The following NPR2 variants were observed in gnomAD, a reference collection of about 807,000 sequenced individuals.
The protein encoded by NPR2 is natriuretic peptide receptor 2.
NPR2 carries 49 observed loss-of-function variants against 120.7 expected under a neutral mutation model. The observed-to-expected ratio is 0.41, with a 90% CI of 0.32 to 0.52. The LOEUF is 0.52. NPR2 is among the 20% of genes least tolerant of loss of function. NPR2 has a pLI of 0.36. For synonymous variants in NPR2, 484 were observed against 519.8 expected (o/e 0.93, Z 0.94); for missense variants, 931 against 1,362.9 (o/e 0.68, Z 4.99).
In NPR2 at chr9:35,805,589, T is replaced by A. The variant is rs766437370; in HGVS notation, c.1966T>A (p.Phe656Ile). The part of the protein sequence containing the change: ...KSSNCVVDSR[F>I]VLKITDYGLA... ...CTCCAACTGTGTGGTGGATAGTCGTTTTGTGCTCAAAATCACAGACTATGG... is the reference window on the plus strand; with the variant it reads ...CTCCAACTGTGTGGTGGATAGTCGTATTGTGCTCAAAATCACAGACTATGG... Residue 656 changes from phenylalanine (F) to isoleucine (I), a missense_variant, in exon 13 of 22, where the codon TTT becomes ATT. Phe to Ile is a conservative substitution (Grantham distance 21). Transcript: ENST00000342694. The surrounding 1 kb of genome is among the most constrained non-coding windows in gnomAD (Gnocchi z 4.9). 3 of 1,614,178 alleles carry A rather than the reference T, an allele frequency of 1.9e-6. No homozygotes were observed. Among genetic ancestry groups the A allele is most frequent in the Non-Finnish European group, 2.5e-6 (3 of 1,180,008 alleles).
At chr9:35,797,432 G>A (rs1588055199) in intron 2 of NPR2, among the ~76,000 whole-genome samples, 1 of 152,186 alleles carries the variant, frequency 6.6e-6, no homozygotes, top group African/African-American at 2.4e-5. Context: ...CCAGCGGCAA[G>A]AATGGAAGAA....
At position 35,803,185 on chromosome 9, in the gene NPR2, G is replaced by C. The variant is rs182915702; in HGVS notation, c.1887+382G>C. 4.9e-3 allele frequency among the ~76,000 whole-genome samples: 407 copies of C among 82,910 alleles called. 105 individuals carry two copies. The East Asian group carries it at 0.15, about 31-fold the overall frequency. The allele number at this position is 82,910 out of a possible 152,430, so 54.4% of individuals were successfully genotyped here. On this transcript the variant is annotated intron_variant, in intron 12 of 21. Transcript: ENST00000342694. The stretch of plus-strand genomic sequence containing the variant: ...GTGGCGGGATCTCGGCTCACTGCAA[G>C]CTCCGCCTCCCGGGTTCACGCCATT...
rs947750646 is a variant in NPR2 at position 35,793,162 on chromosome 9, T to C, written c.667+87T>C. 6.6e-6 allele frequency: 9 copies of C among 1,355,352 alleles called. No homozygotes were observed. In the South Asian group the frequency reaches 7.2e-5, roughly 11 times the overall value. 84.0% of individuals were successfully genotyped at this position (1,355,352 alleles called of 1,614,324 possible). On this transcript the variant is annotated intron_variant, in intron 1 of 21. Coordinates refer to ENST00000342694, the MANE Select transcript of NPR2 (RefSeq NM_003995.4). ...AGCACTGGGGAACTGTAGATGGAGA[T>C]AGGCATTGAGCAGCTGTATGTGGTG...
At chr9:35,798,485 G>A (rs1275752141) in intron 2 of NPR2, among the ~76,000 whole-genome samples, 1 of 152,096 alleles carries the variant, frequency 6.6e-6, no homozygotes, top group Non-Finnish European at 1.5e-5. Flanking sequence ...ATTAGAAATC[G>A]ACTTTATTAT....
rs181373421 is a variant in NPR2 at position 35,800,319 on chromosome 9, C to T, written c.1124-70C>T. On this transcript the variant is annotated intron_variant, in intron 4 of 21. Coordinates refer to ENST00000342694, the MANE Select transcript of NPR2 (RefSeq NM_003995.4). The surrounding 1 kb of genome is among the most constrained non-coding windows in gnomAD (Gnocchi z 4.7). Reference sequence around the variant, plus strand: ...GGGGAAGGGTAGACTCTGAGGGAGCCGTAGGCATGAGTGAGTGGGAGAGGA... The same window carrying T: ...GGGGAAGGGTAGACTCTGAGGGAGCTGTAGGCATGAGTGAGTGGGAGAGGA... The T allele has an allele frequency of 3.9e-5, 58 of 1,472,268 alleles. No individual in the cohort carries two copies. Among genetic ancestry groups the T allele is most frequent in the Middle Eastern group, 3.4e-4 (2 of 5,822 alleles). The allele number at this position is 1,472,268 out of a possible 1,614,324, so 91.2% of individuals were successfully genotyped here.
Position 35,809,302 on chromosome 9 carries a change from G to C in NPR2, c.3078+55G>C. 1 of 1,609,492 alleles carries C rather than the reference G, an allele frequency of 6.2e-7. No individual in the cohort carries two copies. Among genetic ancestry groups the C allele is most frequent in the Non-Finnish European group, 8.5e-7 (1 of 1,176,238 alleles). ...GGAAAGGGAGGGTGAAAGTGATTAT[G>C]GGAATCATAGGGAAAGAGAGGGAGA... On this transcript the variant is annotated intron_variant, in intron 21 of 21. Coordinates refer to ENST00000342694, the MANE Select transcript of NPR2 (RefSeq NM_003995.4). This position sits in a 1 kb window ranked among gnomAD's most constrained non-coding sequence, Gnocchi z 4.1.
rs747840482 is a variant in NPR2, at chr9:35,809,202, G to A, written c.3033G>A (p.Glu1011=). 6.2e-7 allele frequency: 1 copy of A among 1,614,048 alleles called. No homozygotes were observed. The highest frequency in any genetic ancestry group is 1.3e-5 in the African/African-American group (1 of 74,994). Reference sequence around the variant, plus strand: ...CTACCACCAAGGATGCCCTAGATGAGCTAGGATGCTTCCAGCTAGAGCTTC... The same window carrying A: ...CTACCACCAAGGATGCCCTAGATGAACTAGGATGCTTCCAGCTAGAGCTTC... The part of the protein sequence containing the change: ...VSSTTKDALD[E]LGCFQLELRG... The change falls in exon 21 of 22, where the codon GAG becomes GAA. Residue 1011 remains glutamate (E), a synonymous_variant. Transcript: ENST00000342694. This position sits in a 1 kb window ranked among gnomAD's most constrained non-coding sequence, Gnocchi z 4.1.
chr9:35,806,632 T>A lies in NPR2; in HGVS notation c.2519+94T>A. ...CACCTGAGAACTCGCCTCCCCACCC[T>A]CAGAACCCTGCTGGCCACAGGGAGC... On this transcript the variant is annotated intron_variant, in intron 16 of 21. Coordinates refer to ENST00000342694, the MANE Select transcript of NPR2 (RefSeq NM_003995.4). The surrounding 1 kb of genome is among the most constrained non-coding windows in gnomAD (Gnocchi z 4.6). 7.2e-7 allele frequency: 1 copy of A among 1,386,196 alleles called. No homozygotes were observed. Among genetic ancestry groups the A allele is most frequent in the Non-Finnish European group, 1.0e-6 (1 of 975,850 alleles). 85.9% of individuals were successfully genotyped at this position (1,386,196 alleles called of 1,614,324 possible).
chr9:35,808,114 T>A lies in NPR2; in HGVS notation c.2713-395T>A. 1 of 1,268,686 alleles carries A rather than the reference T, an allele frequency of 7.9e-7. No individual in the cohort carries two copies. The highest frequency in any genetic ancestry group is 1.2e-6 in the Non-Finnish European group (1 of 868,730). The allele number at this position is 1,268,686 out of a possible 1,614,324, so 78.6% of individuals were successfully genotyped here. A position where few individuals can be genotyped will look rare whatever the true frequency, so the allele number is the denominator to read the frequency against. ...CAATTACCAAAATCAAATGCCTGCT[T>A]TCCTCCTCTCTGACAGTTTGGGCTG... is the stretch of plus-strand genomic sequence containing the variant. On this transcript the variant is annotated intron_variant, in intron 18 of 21. Coordinates refer to ENST00000342694, the MANE Select transcript of NPR2 (RefSeq NM_003995.4). This position sits in a 1 kb window ranked among gnomAD's most constrained non-coding sequence, Gnocchi z 4.0.
intron 2 of NPR2, among the ~76,000 whole-genome samples, 184 bp downstream of exon 2, chr9:35,794,287 G>A (rs1319085666): frequency 6.6e-6 from 1 of 152,230 alleles, no homozygotes; most frequent in African/African-American, 2.4e-5. Context: ...GTGACTCTTA[G>A]TGTGCTTGCT....
rs1355769917 is a variant in NPR2 at position 35,794,092 on chromosome 9, G to A, written c.862G>A (p.Glu288Lys). 4 of 1,613,972 alleles carry A rather than the reference G, an allele frequency of 2.5e-6. No homozygotes were observed. Among genetic ancestry groups the A allele is most frequent in the Non-Finnish European group, 2.5e-6 (3 of 1,179,870 alleles). Residue 288 changes from glutamate (E) to lysine (K), a missense_variant, in exon 2 of 22, where the codon GAG becomes AAG. Coordinates refer to ENST00000342694, the MANE Select transcript of NPR2 (RefSeq NM_003995.4). ...CCGGGAACAGGCCCAGGCCCTCAGAGAGGCCTTTCAGGTATCATTTGAGCC... is the reference window on the plus strand; with the variant it reads ...CCGGGAACAGGCCCAGGCCCTCAGAAAGGCCTTTCAGGTATCATTTGAGCC... ...RTREQAQALR[E>K]AFQTVLVITY...
rs1041371919 is a variant in NPR2 at position 35,809,145 on chromosome 9, A to G, written c.2987-11A>G. 1.2e-6 allele frequency: 2 copies of G among 1,610,186 alleles called. No individual in the cohort carries two copies. Among genetic ancestry groups the G allele is most frequent in the Admixed American group, 1.7e-5 (1 of 59,932 alleles). ...CTCATTCCACCATCCTCCCCATTCC[A>G]CCCACCCCAGCGCTGAAGATCCATG... On this transcript the variant is annotated splice_polypyrimidine_tract_variant and intron_variant, in intron 20 of 21. Transcript: ENST00000342694. The surrounding 1 kb of genome is among the most constrained non-coding windows in gnomAD (Gnocchi z 4.1).
intron 2 of NPR2, among the ~76,000 whole-genome samples, chr9:35,794,419 G>C (rs1301845614): frequency 6.6e-6 from 1 of 152,220 alleles, no homozygotes; most frequent in Admixed American, 6.5e-5. Context: ...CCTTGGGTGG[G>C]CTTCCACCCT....
Position 35,805,492 on chromosome 9 carries a change from C to T in NPR2, c.1888-19C>T. The T allele has an allele frequency of 1.2e-6, 2 of 1,613,794 alleles. No homozygotes were observed. Among genetic ancestry groups the T allele is most frequent in the South Asian group, 2.2e-5 (2 of 91,082 alleles). On this transcript the variant is annotated intron_variant, in intron 12 of 21. Coordinates refer to ENST00000342694, the MANE Select transcript of NPR2 (RefSeq NM_003995.4). The surrounding 1 kb of genome is among the most constrained non-coding windows in gnomAD (Gnocchi z 4.9). The stretch of plus-strand genomic sequence containing the variant: ...AGCCAGATATGATCCAATCCCATGA[C>T]TTGATCTGTACCCTGCAGGGCATGG...
Position 35,809,320 on chromosome 9 carries a change from G to C in NPR2, c.3079-60G>C. On this transcript the variant is annotated intron_variant, in intron 21 of 21. Transcript: ENST00000342694. This position sits in a 1 kb window ranked among gnomAD's most constrained non-coding sequence, Gnocchi z 4.1. The stretch of plus-strand genomic sequence containing the variant: ...TGATTATGGGAATCATAGGGAAAGA[G>C]AGGGAGACAAAGGGACTAACATCGA... 3 of 1,611,456 alleles carry C rather than the reference G, an allele frequency of 1.9e-6. No homozygotes were observed. The highest frequency in any genetic ancestry group is 2.2e-5 in the East Asian group (1 of 44,878).
rs1349785301 is a variant in NPR2 at position 35,808,528 on chromosome 9, C to T, written c.2732C>T (p.Ala911Val). 7 of 1,614,068 alleles carry T rather than the reference C, an allele frequency of 4.3e-6. No individual in the cohort carries two copies. Among genetic ancestry groups the T allele is most frequent in the Non-Finnish European group, 5.9e-6 (7 of 1,180,024 alleles). The change falls in exon 19 of 22, where the codon GCT becomes GTT. Residue 911 changes from alanine (A) to valine (V), a missense_variant. This residue lies in a region of NPR2 where 184 missense variants were observed against 328.3 expected (regional missense o/e 0.56). Coordinates refer to ENST00000342694, the MANE Select transcript of NPR2 (RefSeq NM_003995.4). The surrounding 1 kb of genome is among the most constrained non-coding windows in gnomAD (Gnocchi z 4.0). ...AATCAGGTGGAGACGATTGGGGATG[C>T]TTACATGGTGGTATCTGGCCTCCCA... ...DVYKVETIGD[A>V]YMVVSGLPGR...
intron 2 of NPR2, among the ~76,000 whole-genome samples, chr9:35,795,040 T>C (rs1315027702): frequency 6.6e-6 from 1 of 152,196 alleles, no homozygotes; most frequent in Non-Finnish European, 1.5e-5. Flanking sequence ...TTGGCATGAC[T>C]CTGTTCATTT....
At position 35,806,662 on chromosome 9, in the gene NPR2, C is replaced by T. The variant is rs1324396196; in HGVS notation, c.2519+124C>T. The T allele has an allele frequency of 5.8e-6, 6 of 1,028,734 alleles. No individual in the cohort carries two copies. In the East Asian group the frequency reaches 1.4e-4, roughly 25 times the overall value. The allele number at this position is 1,028,734 out of a possible 1,614,324, so 63.7% of individuals were successfully genotyped here. On this transcript the variant is annotated intron_variant, in intron 16 of 21. Transcript: ENST00000342694. The surrounding 1 kb of genome is among the most constrained non-coding windows in gnomAD (Gnocchi z 4.6). ...ACCCTGCTGGCCACAGGGAGCACCCCTGCTTATAGATTATTTGCTGTCATT... is the reference window on the plus strand; with the variant it reads ...ACCCTGCTGGCCACAGGGAGCACCCTTGCTTATAGATTATTTGCTGTCATT...
Position 35,802,051 on chromosome 9 carries a change from C to T in NPR2, c.1632+51C>T. The stretch of plus-strand genomic sequence containing the variant: ...TCCCCACCATTTCATCCTGTCTCAT[C>T]CCCATCTGCCACCTCTGCCCCTGAA... On this transcript the variant is annotated intron_variant, in intron 9 of 21. Coordinates refer to ENST00000342694, the MANE Select transcript of NPR2 (RefSeq NM_003995.4). This position sits in a 1 kb window ranked among gnomAD's most constrained non-coding sequence, Gnocchi z 4.2. 1 of 1,542,046 alleles carries T rather than the reference C, an allele frequency of 6.5e-7. No individual in the cohort carries two copies. The highest frequency in any genetic ancestry group is 2.2e-5 in the East Asian group (1 of 44,530).
Sources: allele counts gnomAD v4.1 joint callset (sites outside exome capture counted in the v4.1 genomes callset), GRCh38; gene constraint gnomAD v4.1.1; regional missense constraint gnomAD v4.1.1; non-coding constraint Gnocchi (gnomAD v3.1); transcripts MANE v1.5; gene names NCBI Gene and HGNC (gene_info 2026-07-23, HGNC 2026-07-21).